LONP1: variants seen among roughly 807,000 people sequenced by gnomAD.
LONP1 encodes the protein lon peptidase 1, mitochondrial, also known as lon protease homolog, mitochondrial.
A neutral mutation model predicts 98.5 loss-of-function variants in LONP1; 31 were observed. That is an observed-to-expected ratio of 0.31 (90% CI 0.24 to 0.42). The LOEUF is 0.42. LONP1 is among the 20% of genes least tolerant of loss of function. The pLI, the probability that LONP1 is intolerant of heterozygous loss-of-function variation, is 1.00. For missense variants in LONP1, 1,336 were observed against 1,350.6 expected, an observed-to-expected ratio of 0.99 and a Z score of 0.17; for synonymous variants, 781 against 594.7, an observed-to-expected ratio of 1.31 and a Z score of -4.56.
intron 1 of LONP1, chr19:5,717,336 G>A (rs530305725): frequency 6.6e-6 from 1 of 152,306 alleles, no homozygotes; most frequent in Admixed American, 6.5e-5. Context: ...TCTGCCAACA[G>A]CTGATAGCTG....
chr19:5,708,123 T>G, intron 5 of LONP1: 1 of 614,952 alleles, frequency 1.6e-6, no homozygotes, highest in Non-Finnish European at 2.9e-6. Context: ...GCTTCCGGCC[T>G]CAGCAGAAGG....
At chr19:5,703,728 G>A (rs910727422) in intron 8 of LONP1, among the ~76,000 whole-genome samples, 27 of 151,934 alleles carry the variant, frequency 1.8e-4, no homozygotes, top group Non-Finnish European at 2.2e-4. Flanking sequence ...GACACTTTGC[G>A]GAGAGCATTC....
Position 5,707,787 on chromosome 19 carries a change from C to T in LONP1, c.972G>A (p.Val324=), listed in dbSNP as rs766305186. The T allele has an allele frequency of 1.9e-6, 3 of 1,613,156 alleles. No homozygotes were observed. The highest frequency in any genetic ancestry group is 1.3e-5 in the African/African-American group (1 of 75,000). The change falls in exon 6 of 18, where the codon GTG becomes GTA. Residue 324 remains valine (V), a synonymous_variant. Transcript: ENST00000360614. The part of the protein sequence containing the change: ...VLQMMQAGQR[V]VDNPIYLSDM... The stretch of plus-strand genomic sequence containing the variant: ...CGCTCAGGTAGATGGGGTTGTCCAC[C>T]ACCCGCTGGCCAGCCTGCATCATCT...
chr19:5,702,541 T>C lies in LONP1; in HGVS notation c.1368-1614A>G, dbSNP rs546246389. ...TCTGGGAGGTGTACCCAACAGCTCA[T>C]TGAGAACGGGCCATGATGACAATGG... On this transcript the variant is annotated intron_variant, in intron 8 of 17. Coordinates refer to ENST00000360614, the MANE Select transcript of LONP1 (RefSeq NM_004793.4). Among the ~76,000 whole-genome samples, 191 of 150,298 alleles carry C rather than the reference T, an allele frequency of 1.3e-3. 2 individuals carry two copies. Among genetic ancestry groups the C allele is most frequent in the African/African-American group, 4.5e-3 (187 of 41,458 alleles).
intron 1 of LONP1, among the ~76,000 whole-genome samples, chr19:5,716,255 T>A (rs1160203309): frequency 2.4e-5 from 2 of 83,920 alleles, no homozygotes; most frequent in Non-Finnish European, 4.5e-5. Flanking sequence ...AAAGTTAAAA[T>A]ATACATATAT....
rs1332421450 is a variant in LONP1, at chr19:5,692,371, GA to G, written c.2704-164del. 14 of 618,958 alleles carry G rather than the reference GA, an allele frequency of 2.3e-5. No homozygotes were observed. In the East Asian group the frequency reaches 4.3e-4, roughly 19 times the overall value. 38.3% of individuals were successfully genotyped at this position (618,958 alleles called of 1,614,324 possible). The stretch of plus-strand genomic sequence containing the variant: ...CACCAGGGTCCCCGTCTCCCACGGG[GA>G]AACAGGCTCAAGGCAAAACCACTGG... On this transcript the variant is annotated intron_variant, in intron 17 of 17. Coordinates refer to ENST00000360614, the MANE Select transcript of LONP1 (RefSeq NM_004793.4).
intron 4 of LONP1, among the ~76,000 whole-genome samples, chr19:5,709,127 C>T (rs555649424): frequency 4.6e-5 from 7 of 151,936 alleles, no homozygotes; most frequent in Admixed American, 2.0e-4. Flanking sequence ...CGATCCTCCC[C>T]GCTCATTTTC....
Position 5,692,095 on chromosome 19 carries a change from G to A in LONP1, c.2817C>T (p.Tyr939=). Residue 939 remains tyrosine, a synonymous_variant, in exon 18 of 18, where the codon TAC becomes TAT. Coordinates refer to ENST00000360614, the MANE Select transcript of LONP1 (RefSeq NM_004793.4). ...GGAAGGCGATGTCGAAGATCTCCCG[G>A]TAGTGTTCCACGAAGTGCACCTCCA... ...EGLEVHFVEH[Y]REIFDIAFPD... 1 of 1,608,936 alleles carries A rather than the reference G, an allele frequency of 6.2e-7. No individual in the cohort carries two copies. Among genetic ancestry groups the A allele is most frequent in the Non-Finnish European group, 8.5e-7 (1 of 1,176,858 alleles).
chr19:5,693,440 G>C lies in LONP1; in HGVS notation c.2561C>G (p.Pro854Arg). 6.2e-7 allele frequency: 1 copy of C among 1,611,772 alleles called. No homozygotes were observed. Among genetic ancestry groups the C allele is most frequent in the Non-Finnish European group, 8.5e-7 (1 of 1,178,724 alleles). ...VPEGATPKDG[P>R]SAGCTIVTAL... ...CGTGACGATGGTGCAGCCTGCGCTT[G>C]GGCCGTCCTTGGGGGTGGCGCCCTG... Residue 854 changes from proline to arginine, a missense_variant, in exon 17 of 18, where the codon CCA (proline) becomes CGA (arginine). Around this residue, in one of 5 missense-constraint regions of LONP1, gnomAD observed 555 missense variants for 542.6 expected, o/e 1.02. Transcript: ENST00000360614.
In LONP1 at chr19:5,696,280, T is replaced by C; in HGVS notation, c.1865A>G (p.His622Arg). The C allele has an allele frequency of 6.2e-7, 1 of 1,613,386 alleles. No individual in the cohort carries two copies. Among genetic ancestry groups the C allele is most frequent in the East Asian group, 2.2e-5 (1 of 44,866 alleles). Residue 622 changes from histidine to arginine, a missense_variant, in exon 12 of 18, where the codon CAC becomes CGC. By Grantham distance (29) the His-to-Arg change is conservative (BLOSUM62 0). This residue lies in a region of LONP1 where 555 missense variants were observed against 542.6 expected (regional missense o/e 1.02). Coordinates refer to ENST00000360614, the MANE Select transcript of LONP1 (RefSeq NM_004793.4). ...DPEQNANFLDHYLDVPVDLSK... is the reference protein window; with the variant it reads ...DPEQNANFLDRYLDVPVDLSK... ...CAAGTCCACGGGCACGTCCAGGTAG[T>C]GGTCCAGGAAGTTGGCATTCTGCTC...
In LONP1 at chr19:5,699,104, G is replaced by A. The variant is rs376139384; in HGVS notation, c.1608C>T (p.Ile536=). 59 of 1,603,024 alleles carry A rather than the reference G, an allele frequency of 3.7e-5. 1 individual carries two copies. The highest frequency in any genetic ancestry group is 1.7e-4 in the Middle Eastern group (1 of 6,034). Residue 536 remains isoleucine, a synonymous_variant, in exon 10 of 18, where the codon ATC becomes ATT. Coordinates refer to ENST00000360614, the MANE Select transcript of LONP1 (RefSeq NM_004793.4). ...AGTACTCTCGGTTCAGGGCGCGGGC[G>A]ATGGAGCGAGCAATGCTGGTCTTAC... The part of the protein sequence containing the change: ...GVGKTSIARS[I]ARALNREYFR...
At chr19:5,709,880 C>T (rs1198077933) in intron 4 of LONP1, among the ~76,000 whole-genome samples, 1 of 137,580 alleles carries the variant, frequency 7.3e-6, no homozygotes, top group Non-Finnish European at 1.5e-5. Flanking sequence ...CCACTGCACT[C>T]CAGCCTGGGC....
At chr19:5,714,315 T>C in intron 1 of LONP1, 44 bp from the exon 2 acceptor site, 2 of 1,414,964 alleles carry the variant, frequency 1.4e-6, no homozygotes, top group Non-Finnish European at 2.0e-6. Context: ...AGTAGATTTT[T>C]TTTTTGAGAC....
In LONP1 at chr19:5,711,956, C is replaced by CCTCCGG. The variant is rs772766679; in HGVS notation, c.679_684dup (p.Pro227_Glu228dup). ...CTGCGGGGCTTGTGCTTGTTCTCCG[C>CCTCCGG]CTCCGGCTCCTCGGGCTCCACCTCC... On this transcript the variant is annotated inframe_insertion, in exon 4 of 18. Coordinates refer to ENST00000360614, the MANE Select transcript of LONP1 (RefSeq NM_004793.4). The CCTCCGG allele has an allele frequency of 5.0e-6, 8 of 1,613,214 alleles. No homozygotes were observed. The African/African-American group carries it at 9.3e-5, about 19-fold the overall frequency.
intron 2 of LONP1, among the ~76,000 whole-genome samples, chr19:5,713,628 C>T (rs559651397): frequency 6.6e-6 from 1 of 152,308 alleles, no homozygotes; most frequent in Non-Finnish European, 1.5e-5. Flanking sequence ...ATGGTGTAAT[C>T]TCAGCTCACT....
At chr19:5,713,358 A>C in intron 2 of LONP1, 105 bp from the exon 3 acceptor site, 25 of 1,391,612 alleles carry the variant, frequency 1.8e-5, no homozygotes, top group East Asian at 2.4e-5. Flanking sequence ...CCCCTACCAA[A>C]TGCTACTGAA....
rs3082272 is a variant in LONP1, at chr19:5,716,259, C to CATATATATATATATATATATAT, written c.430-2010_430-1989dup. ...TATTATATAATAAAGTTAAAATATA[C>CATATATATATATATATATATAT]ATATATATATATATATATATATATA... is the stretch of plus-strand genomic sequence containing the variant. On this transcript the variant is annotated intron_variant, in intron 1 of 17. Coordinates refer to ENST00000360614, the MANE Select transcript of LONP1 (RefSeq NM_004793.4). Among the ~76,000 whole-genome samples, 35 of 77,202 alleles carry CATATATATATATATATATATAT rather than the reference C, an allele frequency of 4.5e-4. 3 individuals are homozygous for CATATATATATATATATATATAT. The highest frequency in any genetic ancestry group is 1.0e-3 in the East Asian group (2 of 1,932). 50.6% of individuals were successfully genotyped at this position (77,202 alleles called of 152,430 possible).
intron 7 of LONP1, among the ~76,000 whole-genome samples, chr19:5,706,633 C>A (rs147829145): frequency 3.3e-5 from 5 of 152,076 alleles, no homozygotes; most frequent in Non-Finnish European, 5.9e-5. Flanking sequence ...AAAAATGCTA[C>A]GACCGTGAGG....
intron 17 of LONP1, among the ~76,000 whole-genome samples, chr19:5,692,707 T>G (rs2054850018): frequency 1.3e-5 from 2 of 152,152 alleles, no homozygotes; most frequent in South Asian, 4.1e-4. Context: ...ACTGACTCCA[T>G]GGACAGTGAG....
Sources: gnomAD v4.1 joint callset for allele counts (sites outside exome capture counted in the v4.1 genomes callset) on GRCh38, gnomAD v4.1.1 for gene constraint, gnomAD v4.1.1 regional missense constraint, MANE v1.5 for transcripts, NCBI Gene and HGNC (gene_info 2026-07-23, HGNC 2026-07-21) for gene names.